The following VARS1 variants were observed in gnomAD, a reference collection of about 807,000 sequenced individuals.
VARS1 encodes the protein valine--tRNA ligase.
Under a neutral mutation model 161.0 loss-of-function variants are expected in VARS1, and 92 were observed. That is an observed-to-expected ratio of 0.57 (90% CI 0.48 to 0.68). VARS1 has a LOEUF of 0.68. Among genes scored for constraint, VARS1 ranks in the 30% least tolerant of loss-of-function variants. The pLI is 0.00. For missense variants in VARS1, 1,338 were observed against 1,695.9 expected, an observed-to-expected ratio of 0.79 and a Z score of 3.71; for synonymous variants, 595 against 682.5, an observed-to-expected ratio of 0.87 and a Z score of 2.00.
intron 8 of VARS1, among the ~76,000 whole-genome samples, chr6:31,790,063 A>C (rs1481212563): frequency 1.3e-5 from 2 of 151,406 alleles, no homozygotes; most frequent in Non-Finnish European, 2.9e-5. Flanking sequence ...AATAAAAATA[A>C]ATTTAAAAAA....
intron 13 of VARS1, 56 bp from the exon 14 acceptor site, chr6:31,783,242 C>T (rs1813280998): frequency 6.4e-7 from 1 of 1,563,598 alleles, no homozygotes; most frequent in Non-Finnish European, 8.7e-7. Context: ...CCGTGATTCC[C>T]ACCTGTAATC....
In VARS1 at chr6:31,792,397, CTGGAGG is replaced by C. The variant is rs762265801; in HGVS notation, c.775_780del (p.Pro259_Pro260del). On this transcript the variant is annotated inframe_deletion, in exon 5 of 30. Coordinates refer to ENST00000375663, the MANE Select transcript of VARS1 (RefSeq NM_006295.3). ...CAGCTCCACCCTCGCCTCACCTCCCCTGGAGGTGGCTGCTGCTGTTGGATCTTCTGC... is the reference window on the plus strand; with the variant it reads ...CAGCTCCACCCTCGCCTCACCTCCCCTGGCTGCTGCTGTTGGATCTTCTGC... 6.2e-7 allele frequency: 1 copy of C among 1,614,052 alleles called. No individual in the cohort carries two copies. The highest frequency in any genetic ancestry group is 1.1e-5 in the South Asian group (1 of 91,078).
Position 31,785,728 on chromosome 6 carries a change from C to T in VARS1, c.1106G>A (p.Arg369His), listed in dbSNP as rs1391991648. 12 of 1,609,512 alleles carry T rather than the reference C, an allele frequency of 7.5e-6. No individual in the cohort carries two copies. Among genetic ancestry groups the T allele is most frequent in the African/African-American group, 1.3e-5 (1 of 74,904 alleles). ...CCACAGGGTGGTCTCCCCACGCATG[C>T]GGTGCCTGTTAGGGGGCATGGAGGA... ...AIQDSLTRWH[R>H]MRGETTLWNP... Residue 369 changes from arginine (R) to histidine (H), a missense_variant, in exon 9 of 30, where the codon CGC (arginine) becomes CAC (histidine). Arg to His is a conservative substitution (Grantham distance 29). Transcript: ENST00000375663. The surrounding 1 kb of genome is among the most constrained non-coding windows in gnomAD (Gnocchi z 6.1).
rs1562298406 is a variant in VARS1 at position 31,782,426 on chromosome 6, A to G, written c.2009T>C (p.Val670Ala). 1 of 1,612,334 alleles carries G rather than the reference A, an allele frequency of 6.2e-7. No homozygotes were observed. Among genetic ancestry groups the G allele is most frequent in the East Asian group, 2.2e-5 (1 of 44,852 alleles). Residue 670 changes from valine (V) to alanine (A), a missense_variant, in exon 17 of 30, where the codon GTA (valine) becomes GCA (alanine). Physicochemically the swap from Val to Ala is moderately conservative, Grantham distance 64. Coordinates refer to ENST00000375663, the MANE Select transcript of VARS1 (RefSeq NM_006295.3). This position sits in a 1 kb window ranked among gnomAD's most constrained non-coding sequence, Gnocchi z 8.3. ...VPLCNRSKDV[V>A]EPLLRPQWYV... ...CCACTGCGGCCGCAGCAGAGGCTCT[A>G]CCACGTCCTTCGACCGGCTGGGGGT...
In VARS1 at chr6:31,793,009, C is replaced by T; in HGVS notation, c.499G>A (p.Ala167Thr). 6.2e-7 allele frequency: 1 copy of T among 1,613,370 alleles called. No homozygotes were observed. The highest frequency in any genetic ancestry group is 8.5e-7 in the Non-Finnish European group (1 of 1,180,044). Residue 167 changes from alanine (A) to threonine (T), a missense_variant, in exon 3 of 30, where the codon GCC becomes ACC. Transcript: ENST00000375663. ...PTLADLAAVTALLLPFRYVLD... is the reference protein window; with the variant it reads ...PTLADLAAVTTLLLPFRYVLD... ...ACGTATCGGAAAGGCAGCAGCAAGG[C>T]TGTGACAGCCGCCAGGTCAGCCAGA...
At position 31,794,904 on chromosome 6, in the gene VARS1, G is replaced by A. The variant is rs747820660; in HGVS notation, c.314C>T (p.Thr105Met). ...LVQQWVSYAD[T>M]ELIPAACGAT... Reference sequence around the variant, plus strand: ...TCCACAGGCAGCTGGTATTAACTCCGTGTCGGCGTAACTGACCCACTGTTG... The same window carrying A: ...TCCACAGGCAGCTGGTATTAACTCCATGTCGGCGTAACTGACCCACTGTTG... The change falls in exon 2 of 30, where the codon ACG becomes ATG. Residue 105 changes from threonine (T) to methionine (M), a missense_variant. By Grantham distance (81) the Thr-to-Met change is moderately conservative (BLOSUM62 -1). Transcript: ENST00000375663. The A allele has an allele frequency of 3.7e-6, 6 of 1,612,912 alleles. No homozygotes were observed. The highest frequency in any genetic ancestry group is 5.1e-6 in the Non-Finnish European group (6 of 1,179,964).
rs563630948 is a variant in VARS1 at position 31,780,364 on chromosome 6, A to C, written c.2925+77T>G. 1.3e-6 allele frequency: 2 copies of C among 1,563,784 alleles called. No individual in the cohort carries two copies. The highest frequency in any genetic ancestry group is 3.7e-5 in the Admixed American group (2 of 54,624). On this transcript the variant is annotated intron_variant, in intron 25 of 29. Coordinates refer to ENST00000375663, the MANE Select transcript of VARS1 (RefSeq NM_006295.3). This position sits in a 1 kb window ranked among gnomAD's most constrained non-coding sequence, Gnocchi z 5.1. ...TGTCTCTGTGTCTATCTGTCCCCCCAGCTACATGGAGGCTGCTCCGGACAG... is the reference window on the plus strand; with the variant it reads ...TGTCTCTGTGTCTATCTGTCCCCCCCGCTACATGGAGGCTGCTCCGGACAG...
rs1314665534 is a variant in VARS1 at position 31,792,967 on chromosome 6, C to T, written c.522+19G>A. On this transcript the variant is annotated intron_variant, in intron 3 of 29. Coordinates refer to ENST00000375663, the MANE Select transcript of VARS1 (RefSeq NM_006295.3). ...TCTGAGGAGAGCAGTCTTGTTCTTC[C>T]CCAGGCCTGGTGACTCACGTATCGG... 1.9e-6 allele frequency: 3 copies of T among 1,613,962 alleles called. No individual in the cohort carries two copies. The highest frequency in any genetic ancestry group is 2.5e-6 in the Non-Finnish European group (3 of 1,180,034).
chr6:31,789,222 A>AT, intron 8 of VARS1, among the ~76,000 whole-genome samples: 1 of 152,142 alleles, frequency 6.6e-6, no homozygotes. Flanking sequence ...TAACAAAAAA[A>AT]TTGATACCCA....
chr6:31,780,299 G>A lies in VARS1; in HGVS notation c.2925+142C>T. On this transcript the variant is annotated intron_variant, in intron 25 of 29. Transcript: ENST00000375663. This position sits in a 1 kb window ranked among gnomAD's most constrained non-coding sequence, Gnocchi z 5.1. ...GCCAGGATCTGGGAAGAAGTGACAG[G>A]CCCCAGCCCCCAATGCGCTGGGCTT... 1 of 1,509,852 alleles carries A rather than the reference G, an allele frequency of 6.6e-7. No individual in the cohort carries two copies. The highest frequency in any genetic ancestry group is 8.9e-7 in the Non-Finnish European group (1 of 1,125,784). The allele number at this position is 1,509,852 out of a possible 1,614,324, so 93.5% of individuals were successfully genotyped here.
chr6:31,794,858 T>C lies in VARS1; in HGVS notation c.360A>G (p.Gly120=). The part of the protein sequence containing the change: ...AACGATLPAL[G]LRSSAQDPQA... ...GGGGGTCCTGGGCCGAGCTTCGGAG[T>C]CCCAGGGCCGGCAGCGTTGCTCCAC... is the stretch of plus-strand genomic sequence containing the variant. Residue 120 remains glycine (G), a synonymous_variant, in exon 2 of 30, where the codon GGA becomes GGG. Coordinates refer to ENST00000375663, the MANE Select transcript of VARS1 (RefSeq NM_006295.3). The C allele has an allele frequency of 6.2e-7, 1 of 1,607,158 alleles. No individual in the cohort carries two copies. The highest frequency in any genetic ancestry group is 8.5e-7 in the Non-Finnish European group (1 of 1,175,720).
At chr6:31,792,030 G>T (rs561537405) in intron 6 of VARS1, 59 bp from the exon 7 acceptor site, 3 of 1,498,282 alleles carry the variant, frequency 2.0e-6, no homozygotes, top group South Asian at 2.6e-5. Flanking sequence ...GGAAGGAGAC[G>T]TGCTGGCAGA....
At chr6:31,788,137 T>A (rs1265969376) in intron 8 of VARS1, among the ~76,000 whole-genome samples, 9 of 148,122 alleles carry the variant, frequency 6.1e-5, no homozygotes, top group African/African-American at 2.0e-4. Context: ...AAAAAAAAAA[T>A]TGAAAAATTG....
Position 31,780,974 on chromosome 6 carries a change from C to A in VARS1, c.2650-36G>T. The stretch of plus-strand genomic sequence containing the variant: ...AGTGGGAGCAGTCAGGTGGCTGTGA[C>A]CACAGCCCCACGGCCCTTCCTGGCT... On this transcript the variant is annotated intron_variant, in intron 22 of 29. Transcript: ENST00000375663. This position sits in a 1 kb window ranked among gnomAD's most constrained non-coding sequence, Gnocchi z 5.1. The A allele has an allele frequency of 6.2e-7, 1 of 1,613,974 alleles. No homozygotes were observed. Among genetic ancestry groups the A allele is most frequent in the Non-Finnish European group, 8.5e-7 (1 of 1,179,914 alleles).
rs1181585366 is a variant in VARS1, at chr6:31,780,967, G to A, written c.2650-29C>T. 1 of 1,614,032 alleles carries A rather than the reference G, an allele frequency of 6.2e-7. No individual in the cohort carries two copies. Among genetic ancestry groups the A allele is most frequent in the Non-Finnish European group, 8.5e-7 (1 of 1,180,004 alleles). On this transcript the variant is annotated intron_variant, in intron 22 of 29. Transcript: ENST00000375663. The surrounding 1 kb of genome is among the most constrained non-coding windows in gnomAD (Gnocchi z 5.1). ...AGGGTGGAGTGGGAGCAGTCAGGTG[G>A]CTGTGACCACAGCCCCACGGCCCTT...
rs1812860978 is a variant in VARS1, at chr6:31,778,103, A to T, written c.3727-441T>A. The stretch of plus-strand genomic sequence containing the variant: ...TGACTGGTTTTCTCTGTGTCTGTGC[A>T]GTTTACTCCACTGCTTCTCTCTGGC... On this transcript the variant is annotated intron_variant, in intron 29 of 29. Coordinates refer to ENST00000375663, the MANE Select transcript of VARS1 (RefSeq NM_006295.3). This position sits in a 1 kb window ranked among gnomAD's most constrained non-coding sequence, Gnocchi z 5.1. 1 of 184,592 alleles carries T rather than the reference A, an allele frequency of 5.4e-6. No individual in the cohort carries two copies. Among genetic ancestry groups the T allele is most frequent in the Admixed American group, 5.6e-5 (1 of 17,940 alleles). 11.4% of individuals were successfully genotyped at this position (184,592 alleles called of 1,614,324 possible). A position where few individuals can be genotyped will look rare whatever the true frequency, so the allele number is the denominator to read the frequency against.
intron 5 of VARS1, 22 bp from the exon 6 acceptor site, chr6:31,792,323 T>C (rs999134470): frequency 6.2e-7 from 1 of 1,613,826 alleles, no homozygotes; most frequent in Non-Finnish European, 8.5e-7. Context: ...GGAGAAGACA[T>C]AGGCCCAGGC....
Position 31,781,114 on chromosome 6 carries a change from G to A in VARS1, c.2554C>T (p.His852Tyr). The change falls in exon 22 of 30, where the codon CAT (histidine) becomes TAT (tyrosine). Residue 852 changes from histidine to tyrosine, a missense_variant. By Grantham distance (83) the His-to-Tyr change is moderately conservative. Coordinates refer to ENST00000375663, the MANE Select transcript of VARS1 (RefSeq NM_006295.3). The surrounding 1 kb of genome is among the most constrained non-coding windows in gnomAD (Gnocchi z 6.8). ...GRLPFREVYL[H>Y]AIVRDAHGRK... is the part of the protein sequence containing the mutation. ...CCGTGAGCATCTCGCACGATGGCAT[G>A]GAGGTAGACCTGCAGAGCAGGTGGG... The A allele has an allele frequency of 6.2e-7, 1 of 1,613,040 alleles. No homozygotes were observed. The highest frequency in any genetic ancestry group is 8.5e-7 in the Non-Finnish European group (1 of 1,180,030).
rs1184349727 is a variant in VARS1, at chr6:31,791,346, AC to A, written c.1100+263del. 6.6e-6 allele frequency among the ~76,000 whole-genome samples: 1 copy of A among 152,154 alleles called. No individual in the cohort carries two copies. Among genetic ancestry groups the A allele is most frequent in the Non-Finnish European group, 1.5e-5 (1 of 68,018 alleles). On this transcript the variant is annotated intron_variant, in intron 8 of 29. Transcript: ENST00000375663. The surrounding 1 kb of genome is among the most constrained non-coding windows in gnomAD (Gnocchi z 5.0). ...AGCAACAAAGTGAAAACTCATCTTT[AC>A]AAAAAATTAAATTAAATTAAATTAA...
Sources: allele counts gnomAD v4.1 joint callset (sites outside exome capture counted in the v4.1 genomes callset), GRCh38; gene constraint gnomAD v4.1.1; non-coding constraint Gnocchi (gnomAD v3.1); transcripts MANE v1.5; gene names NCBI Gene and HGNC (gene_info 2026-07-23, HGNC 2026-07-21).